CMTR1: variants seen among roughly 807,000 people sequenced by gnomAD.
CMTR1 encodes the protein cap methyltransferase 1.
Under a neutral mutation model 107.0 loss-of-function variants are expected in CMTR1, and 39 were observed. The ratio of observed to expected loss-of-function variants is 0.36; its 90% CI spans 0.28 to 0.48. The LOEUF is 0.48. CMTR1 is among the 20% of genes least tolerant of loss of function. The pLI is 0.99. For synonymous variants in CMTR1, 366 were observed against 379.5 expected (o/e 0.96, Z 0.41); for missense variants, 672 against 1,064.9 (o/e 0.63, Z 5.14).
At chr6:37,469,138 A>C (rs1442989457) in intron 13 of CMTR1, among the ~76,000 whole-genome samples, 4 of 152,052 alleles carry the variant, frequency 2.6e-5, no homozygotes, top group East Asian at 1.9e-4. Flanking sequence ...CTGTTTAAAA[A>C]AAAAACAAAA....
At chr6:37,466,748 C>T (rs995531633) in intron 13 of CMTR1, among the ~76,000 whole-genome samples, 1 of 152,110 alleles carries the variant, frequency 6.6e-6, no homozygotes. Context: ...CAACTTTGCT[C>T]ATCATTTTCA....
chr6:37,474,417 C>A, intron 17 of CMTR1, 107 bp from the exon 18 acceptor site: 1 of 1,289,434 alleles, frequency 7.8e-7, no homozygotes, highest in Non-Finnish European at 1.1e-6. Flanking sequence ...TGACATTTCC[C>A]AGTCCCATCA....
chr6:37,424,557 G>T, the CMTR1 span, among the ~76,000 whole-genome samples: 3 of 151,850 alleles, frequency 2.0e-5, no homozygotes, highest in Admixed American at 6.6e-5. Context: ...TAGTACCTTT[G>T]TCTTAATTCC....
At position 37,480,666 on chromosome 6, in the gene CMTR1, T is replaced by C; in HGVS notation, c.*521T>C. On this transcript the variant is annotated 3_prime_UTR_variant, in exon 24 of 24. Coordinates refer to ENST00000373451, the MANE Select transcript of CMTR1 (RefSeq NM_015050.3). ...AGGTTTTGTTTCTTTGAACTTACTC[T>C]GTTTTGATGCCAAATTGGAGACCAT... 1 of 1,027,064 alleles carries C rather than the reference T, an allele frequency of 9.7e-7. No homozygotes were observed. The highest frequency in any genetic ancestry group is 3.7e-5 in the South Asian group (1 of 26,670). The allele number at this position is 1,027,064 out of a possible 1,614,324, so 63.6% of individuals were successfully genotyped here. A position where few individuals can be genotyped will look rare whatever the true frequency, so the allele number is the denominator to read the frequency against.
Position 37,471,913 on chromosome 6 carries a change from C to T in CMTR1, c.1620+9C>T. The T allele has an allele frequency of 6.2e-7, 1 of 1,611,792 alleles. No homozygotes were observed. Among genetic ancestry groups the T allele is most frequent in the Non-Finnish European group, 8.5e-7 (1 of 1,179,228 alleles). On this transcript the variant is annotated intron_variant, in intron 15 of 23. Coordinates refer to ENST00000373451, the MANE Select transcript of CMTR1 (RefSeq NM_015050.3). ...GCCTCCGACTCTGGGGGGTGAGTAT[C>T]TCCCCCGCCCATTGCTGCTTCAGGG...
rs368202393 is a variant in CMTR1, at chr6:37,475,348, A to G, written c.1972A>G (p.Ile658Val). 26 of 1,613,886 alleles carry G rather than the reference A, an allele frequency of 1.6e-5. No individual in the cohort carries two copies. The highest frequency in any genetic ancestry group is 2.2e-5 in the Non-Finnish European group (26 of 1,179,964). The change falls in exon 19 of 24, where the codon ATC becomes GTC. Residue 658 changes from isoleucine to valine, a missense_variant. Ile to Val is a conservative substitution (Grantham distance 29). This residue lies in a region of CMTR1 where 583 missense variants were observed against 968.4 expected (regional missense o/e 0.60). Coordinates refer to ENST00000373451, the MANE Select transcript of CMTR1 (RefSeq NM_015050.3). Reference protein sequence around the residue: ...EGKAQRKISAIHILDVLVLNG... With the variant: ...EGKAQRKISAVHILDVLVLNG... ...GAAGGCCCAGAGGAAGATCAGTGCC[A>G]TCCACATCCTCGATGTCCTTGTGCT... is the stretch of plus-strand genomic sequence containing the variant.
At chr6:37,430,714 T>A (rs1771349919), upstream of CMTR1, among the ~76,000 whole-genome samples, 1 of 152,110 alleles carries the variant, frequency 6.6e-6, no homozygotes, top group African/African-American at 2.4e-5. Context: ...GCATTTGGCA[T>A]AAAGTAAGAA....
chr6:37,434,841 A>AC (rs1355908731), intron 1 of CMTR1, among the ~76,000 whole-genome samples: 1 of 151,972 alleles, frequency 6.6e-6, no homozygotes, highest in Non-Finnish European at 1.5e-5. Flanking sequence ...TGAACTCCTG[A>AC]CCTCAGGTGA....
intron 4 of CMTR1, among the ~76,000 whole-genome samples, chr6:37,447,610 C>T (rs893552089): frequency 3.3e-5 from 5 of 152,186 alleles, no homozygotes; most frequent in Admixed American, 6.5e-5. Context: ...CCTATAATCC[C>T]AGCACTTTGG....
chr6:37,480,333 A>G lies in CMTR1; in HGVS notation c.*188A>G. The G allele has an allele frequency of 7.2e-7, 1 of 1,382,372 alleles. No individual in the cohort carries two copies. Among genetic ancestry groups the G allele is most frequent in the South Asian group, 1.7e-5 (1 of 57,466 alleles). The allele number at this position is 1,382,372 out of a possible 1,614,324, so 85.6% of individuals were successfully genotyped here. On this transcript the variant is annotated 3_prime_UTR_variant, in exon 24 of 24. Coordinates refer to ENST00000373451, the MANE Select transcript of CMTR1 (RefSeq NM_015050.3). Reference sequence around the variant, plus strand: ...AGGCAGGGCCCTGCAGAGAACACTCATGTTCCTTCTGGGACACCTGCCTGG... The same window carrying G: ...AGGCAGGGCCCTGCAGAGAACACTCGTGTTCCTTCTGGGACACCTGCCTGG...
At chr6:37,452,006 A>C (rs967269909) in intron 6 of CMTR1, 129 bp downstream of exon 6, 2 of 682,984 alleles carry the variant, frequency 2.9e-6, no homozygotes, top group South Asian at 3.5e-5. Flanking sequence ...TCAGATGCAT[A>C]GCTTGGTTCA....
intron 5 of CMTR1, 57 bp downstream of exon 5, chr6:37,450,400 G>C (rs1771924575): frequency 7.7e-7 from 1 of 1,301,548 alleles, no homozygotes. Flanking sequence ...CTTTTCACTT[G>C]CTCGAGTCTG....
Position 37,461,556 on chromosome 6 carries a change from CGGT to C in CMTR1, c.1106_1108del (p.Val369del). 2 of 1,600,278 alleles carry C rather than the reference CGGT, an allele frequency of 1.2e-6. No homozygotes were observed. The highest frequency in any genetic ancestry group is 1.7e-6 in the Non-Finnish European group (2 of 1,172,142). ...CTTGTGCTCTCATTTCAGGGTTTCTCGGTGGAGGGGCAGGAGAACCTGCAGGAG... is the reference window on the plus strand; with the variant it reads ...CTTGTGCTCTCATTTCAGGGTTTCTCGGAGGGGCAGGAGAACCTGCAGGAG... On this transcript the variant is annotated inframe_deletion, in exon 11 of 24. Transcript: ENST00000373451.
rs148292601 is a variant in CMTR1 at position 37,472,466 on chromosome 6, G to C, written c.1668G>C (p.Ser556=). 1 of 1,613,990 alleles carries C rather than the reference G, an allele frequency of 6.2e-7. No homozygotes were observed. Among genetic ancestry groups the C allele is most frequent in the Non-Finnish European group, 8.5e-7 (1 of 1,180,002 alleles). ...RVAPSSSDPK[S]KFFELIQGTE... ...CTCCTTCTTCCTCCGACCCTAAATCGAAGTTCTTTGAGCTAATCCAGGTAA... is the reference window on the plus strand; with the variant it reads ...CTCCTTCTTCCTCCGACCCTAAATCCAAGTTCTTTGAGCTAATCCAGGTAA... Residue 556 remains serine (S), a synonymous_variant, in exon 16 of 24, where the codon TCG becomes TCC. Coordinates refer to ENST00000373451, the MANE Select transcript of CMTR1 (RefSeq NM_015050.3). This position sits in a 1 kb window ranked among gnomAD's most constrained non-coding sequence, Gnocchi z 4.1.
chr6:37,443,981 T>A lies in CMTR1; in HGVS notation c.134-18T>A. ...TGTGCCATAAACCTACCTAAACATT[T>A]TCCTTTTTCTTTTTCAGCATCTACT... On this transcript the variant is annotated intron_variant, in intron 2 of 23. Coordinates refer to ENST00000373451, the MANE Select transcript of CMTR1 (RefSeq NM_015050.3). 6.2e-7 allele frequency: 1 copy of A among 1,610,534 alleles called. No individual in the cohort carries two copies. The highest frequency in any genetic ancestry group is 8.5e-7 in the Non-Finnish European group (1 of 1,178,988).
chr6:37,428,679 A>G (rs1431679279), upstream of CMTR1, among the ~76,000 whole-genome samples: 1 of 152,040 alleles, frequency 6.6e-6, no homozygotes, highest in Non-Finnish European at 1.5e-5. Context: ...GCATGTCTTG[A>G]GCTCCCAACC....
intron 22 of CMTR1, 133 bp from the exon 23 acceptor site, chr6:37,479,014 C>T (rs1216500091): frequency 6.3e-6 from 4 of 634,268 alleles, no homozygotes; most frequent in African/African-American, 5.5e-5. Flanking sequence ...AGGCTGCTGC[C>T]TCACGGGCTA....
At chr6:37,478,387 C>T (rs71569377) in intron 21 of CMTR1, 22 bp from the exon 22 acceptor site, 77,525 of 1,588,804 alleles carry the variant, frequency 0.049, 2,170 homozygotes, top group Middle Eastern at 0.083. Context: ...CTCTCATGCA[C>T]GTACCTTCTC....
In CMTR1 at chr6:37,458,695, G is replaced by T; in HGVS notation, c.861G>T (p.Val287=). 1 of 1,614,122 alleles carries T rather than the reference G, an allele frequency of 6.2e-7. No individual in the cohort carries two copies. Among genetic ancestry groups the T allele is most frequent in the Non-Finnish European group, 8.5e-7 (1 of 1,180,030 alleles). The stretch of plus-strand genomic sequence containing the variant: ...GCCCAGGTGGCTTCTCAGAGTATGT[G>T]CTGTGGAGGAAGAAGTGGCATGCAA... ...CAGPGGFSEY[V]LWRKKWHAKG... The change falls in exon 9 of 24, where the codon GTG becomes GTT. Residue 287 remains valine, a synonymous_variant. Transcript: ENST00000373451. The surrounding 1 kb of genome is among the most constrained non-coding windows in gnomAD (Gnocchi z 4.7).
Sources: allele counts gnomAD v4.1 joint callset (sites outside exome capture counted in the v4.1 genomes callset), GRCh38; gene constraint gnomAD v4.1.1; regional missense constraint gnomAD v4.1.1; non-coding constraint Gnocchi (gnomAD v3.1); transcripts MANE v1.5; gene names NCBI Gene and HGNC (gene_info 2026-07-23, HGNC 2026-07-21).